The following YAE1 variants were observed in gnomAD, a reference collection of about 807,000 sequenced individuals.
YAE1 encodes YAE1 maturation factor of ABCE1.
In YAE1, 22 loss-of-function variants were observed where a neutral mutation model predicts 23.0. That is an observed-to-expected ratio of 0.96 (90% CI 0.68 to 1.37). The LOEUF (loss-of-function observed/expected upper bound fraction) is 1.37, where lower values mean the gene tolerates loss of function less well. Ranked by LOEUF, YAE1 falls within the 40% of genes most tolerant of loss-of-function variation. YAE1 has a pLI of 0.00. For synonymous variants in YAE1, 101 were observed against 97.0 expected (o/e 1.04, Z -0.24); for missense variants, 260 against 262.1 (o/e 0.99, Z 0.06).
rs1256574069 is a variant in YAE1 at position 39,572,644 on chromosome 7, G to A, written c.619G>A (p.Ala207Thr). The A allele has an allele frequency of 2.5e-6, 4 of 1,613,538 alleles. No individual in the cohort carries two copies. The highest frequency in any genetic ancestry group is 3.4e-6 in the Non-Finnish European group (4 of 1,179,824). Residue 207 changes from alanine (A) to threonine (T), a missense_variant, in exon 3 of 3, where the codon GCC (alanine) becomes ACC (threonine). By Grantham distance (58) the Ala-to-Thr change is moderately conservative. Coordinates refer to ENST00000223273, the MANE Select transcript of YAE1 (RefSeq NM_020192.5). ...PSPTWILEQT[A>T]SLVKQLGLSV... Reference sequence around the variant, plus strand: ...CCCCACATGGATTTTGGAACAGACAGCCAGTTTAGTTAAACAGCTGGGCCT... The same window carrying A: ...CCCCACATGGATTTTGGAACAGACAACCAGTTTAGTTAAACAGCTGGGCCT...
At chr7:39,576,303 TA>T (rs1562590747), downstream of YAE1, among the ~76,000 whole-genome samples, 1 of 152,242 alleles carries the variant, frequency 6.6e-6, no homozygotes, top group Non-Finnish European at 1.5e-5. Context: ...TTCTGTCTCT[TA>T]CCAATATTAT....
Position 39,608,502 on chromosome 7 carries a change from G to C in YAE1, c.252-1115G>C, listed in dbSNP as rs932581499. 5.3e-5 allele frequency among the ~76,000 whole-genome samples: 8 copies of C among 152,234 alleles called. No homozygotes were observed. The East Asian group carries it at 1.5e-3, about 29-fold the overall frequency. On this transcript the variant is annotated intron_variant, in intron 2 of 2. Coordinates refer to the YAE1 transcript ENST00000432096. ...AGAAAAGGGTAGAAAACAAAGAGAG[G>C]AAGAGAATGTGGCAAAGATAAGATC... is the stretch of plus-strand genomic sequence containing the variant.
At chr7:39,578,469 G>C (rs776786190) in intron 2 of YAE1, among the ~76,000 whole-genome samples, 9 of 152,180 alleles carry the variant, frequency 5.9e-5, no homozygotes, top group Non-Finnish European at 1.2e-4. Context: ...TCTTTCTGCT[G>C]TTCACTGTTT....
intron 2 of YAE1, among the ~76,000 whole-genome samples, chr7:39,600,022 TATTTC>T (rs1234747964): frequency 6.6e-6 from 1 of 152,228 alleles, no homozygotes; most frequent in Admixed American, 6.5e-5. Flanking sequence ...GTCCCCTTTT[TATTTC>T]ATTTCCTTGG....
chr7:39,584,141 C>T (rs773612724), intron 2 of YAE1, among the ~76,000 whole-genome samples: 12 of 152,148 alleles, frequency 7.9e-5, no homozygotes, highest in Non-Finnish European at 1.5e-4. Flanking sequence ...CACCACCCCC[C>T]ACCCCATTAT....
intron 2 of YAE1, among the ~76,000 whole-genome samples, chr7:39,595,194 G>T (rs1307327901): frequency 6.6e-6 from 1 of 151,924 alleles, no homozygotes; most frequent in African/African-American, 2.4e-5. Flanking sequence ...TTCTATTTCC[G>T]TGGATAAGTG....
At chr7:39,603,314 A>T (rs1791080740) in intron 2 of YAE1, among the ~76,000 whole-genome samples, 1 of 151,794 alleles carries the variant, frequency 6.6e-6, no homozygotes, top group Non-Finnish European at 1.5e-5. Flanking sequence ...AATTTTTTGA[A>T]TTTTTTAGTA....
At chr7:39,571,730 C>CT (rs1353549466) in intron 2 of YAE1, among the ~76,000 whole-genome samples, 36 of 151,824 alleles carry the variant, frequency 2.4e-4, no homozygotes, top group Non-Finnish European at 2.9e-5. Context: ...GAATTTTTAC[C>CT]TTTTTCAAGG....
chr7:39,593,237 T>TGCAGTG (rs1200424203), intron 2 of YAE1, among the ~76,000 whole-genome samples: 1 of 126,436 alleles, frequency 7.9e-6, no homozygotes, highest in African/African-American at 3.0e-5. Context: ...CAGGCTGCAG[T>TGCAGTG]GCAGTGGCAC....
chr7:39,607,541 T>C (rs1000704277), intron 2 of YAE1, among the ~76,000 whole-genome samples: 3 of 152,202 alleles, frequency 2.0e-5, no homozygotes, highest in Non-Finnish European at 4.4e-5. Context: ...CCCAGTAAGA[T>C]CCATGTTGGA....
chr7:39,571,627 T>A (rs1488955340), intron 2 of YAE1, among the ~76,000 whole-genome samples: 1 of 152,252 alleles, frequency 6.6e-6, no homozygotes, highest in Non-Finnish European at 1.5e-5. Flanking sequence ...TACTGCTGAA[T>A]CTTTTATATC....
At chr7:39,567,712 A>G (rs781248349) in intron 1 of YAE1, among the ~76,000 whole-genome samples, 7 of 152,156 alleles carry the variant, frequency 4.6e-5, no homozygotes, top group East Asian at 1.9e-4. Flanking sequence ...AAACTCTTCA[A>G]TGGTATAATA....
At chr7:39,609,006 C>T (rs918329535) in intron 2 of YAE1, among the ~76,000 whole-genome samples, 1 of 152,190 alleles carries the variant, frequency 6.6e-6, no homozygotes, top group Non-Finnish European at 1.5e-5. Context: ...AAAATCCTTC[C>T]CATCACTGCA....
chr7:39,592,073 C>T (rs1405474169), intron 2 of YAE1, among the ~76,000 whole-genome samples: 1 of 152,192 alleles, frequency 6.6e-6, no homozygotes, highest in African/African-American at 2.4e-5. Flanking sequence ...TCATTTTATC[C>T]ATTCACCTAC....
At chr7:39,590,501 T>C (rs1166590804) in intron 2 of YAE1, among the ~76,000 whole-genome samples, 1 of 152,194 alleles carries the variant, frequency 6.6e-6, no homozygotes, top group Non-Finnish European at 1.5e-5. Flanking sequence ...TCCAAAATGC[T>C]TAGGACCAGA....
chr7:39,606,409 T>C (rs1419785203), intron 2 of YAE1, among the ~76,000 whole-genome samples: 1 of 152,250 alleles, frequency 6.6e-6, no homozygotes, highest in Non-Finnish European at 1.5e-5. Context: ...AGTTTAACAT[T>C]GAGAAACCTC....
At chr7:39,577,512 C>T (rs1206697182), downstream of YAE1, among the ~76,000 whole-genome samples, 3 of 152,168 alleles carry the variant, frequency 2.0e-5, no homozygotes, top group African/African-American at 4.8e-5. Context: ...TTGGAGTGGC[C>T]GGCCAGCAGG....
intron 1 of YAE1, among the ~76,000 whole-genome samples, chr7:39,568,392 T>G (rs1790510765): frequency 6.6e-6 from 1 of 152,094 alleles, no homozygotes. Context: ...CTGAGTAGAA[T>G]GCAAACTTTG....
chr7:39,570,648 G>A, intron 2 of YAE1, 21 bp downstream of exon 2: 1 of 1,580,410 alleles, frequency 6.3e-7, no homozygotes, highest in South Asian at 1.2e-5. Flanking sequence ...AAGTCTAAAT[G>A]CTGAATCATT....
Sources: allele counts gnomAD v4.1 joint callset (sites outside exome capture counted in the v4.1 genomes callset), GRCh38; gene constraint gnomAD v4.1.1; transcripts MANE v1.5; gene names NCBI Gene and HGNC (gene_info 2026-07-23, HGNC 2026-07-21).